The following LIN7A variants were observed in gnomAD, a reference collection of about 807,000 sequenced individuals.
LIN7A encodes the protein protein lin-7 homolog A.
A neutral mutation model predicts 29.8 loss-of-function variants in LIN7A; 25 were observed. The ratio of observed to expected loss-of-function variants is 0.84; its 90% confidence interval spans 0.61 to 1.17. The LOEUF (loss-of-function observed/expected upper bound fraction) is 1.17, where lower values mean the gene tolerates loss of function less well. Ranked by LOEUF, LIN7A falls within the 50% of genes most tolerant of loss-of-function variation. LIN7A has a pLI of 0.00. For synonymous variants in LIN7A, 118 were observed against 107.5 expected (o/e 1.10, Z -0.60); for missense variants, 239 against 287.0 (o/e 0.83, Z 1.21).
At chr12:80,898,882 G>C (rs1457621689) in intron 1 of LIN7A, among the ~76,000 whole-genome samples, 1 of 152,142 alleles carries the variant, frequency 6.6e-6, no homozygotes, top group Non-Finnish European at 1.5e-5. Flanking sequence ...AAGAGCTTTT[G>C]CACACAGTCT....
At chr12:80,820,713 G>C (rs1042723823) in intron 4 of LIN7A, among the ~76,000 whole-genome samples, 1 of 151,764 alleles carries the variant, frequency 6.6e-6, no homozygotes, top group African/African-American at 2.4e-5. Context: ...GAACAAAGCT[G>C]CCTGGGAAAA....
intron 2 of LIN7A, among the ~76,000 whole-genome samples, chr12:80,855,184 GA>G (rs1565903120): frequency 6.6e-6 from 1 of 151,912 alleles, no homozygotes; most frequent in Non-Finnish European, 1.5e-5. Context: ...TCTCAAGAGG[GA>G]AAAAAGTGAA....
chr12:80,797,912 C>T (rs1341705815), intron 5 of LIN7A, among the ~76,000 whole-genome samples, 186 bp from the exon 6 acceptor site: 2 of 152,178 alleles, frequency 1.3e-5, no homozygotes, highest in Non-Finnish European at 2.9e-5. Flanking sequence ...AAGTAATTAT[C>T]AAATGAGGAT....
rs141327967 is a variant in LIN7A at position 80,834,858 on chromosome 12, C to T, written c.483+10872G>A. On this transcript the variant is annotated intron_variant, in intron 4 of 5. Transcript: ENST00000552864. ...AGACTTACACTTGGCTTGCATTTCA[C>T]TAGGTATACTCATGTAGCTGTGGCA... 5.1e-3 allele frequency among the ~76,000 whole-genome samples: 775 copies of T among 152,290 alleles called. 5 individuals are homozygous for T. Among genetic ancestry groups the T allele is most frequent in the African/African-American group, 0.018 (747 of 41,572 alleles).
chr12:80,826,298 C>A (rs1377896903), intron 4 of LIN7A, among the ~76,000 whole-genome samples: 1 of 152,194 alleles, frequency 6.6e-6, no homozygotes, highest in East Asian at 1.9e-4. Context: ...TTCTTTTCAA[C>A]CCTCTTCTCT....
chr12:80,864,024 T>A (rs903116723), intron 2 of LIN7A, among the ~76,000 whole-genome samples: 3 of 152,184 alleles, frequency 2.0e-5, no homozygotes, highest in African/African-American at 7.2e-5. Context: ...GAGTGAAATT[T>A]CATGTAATTT....
intron 4 of LIN7A, among the ~76,000 whole-genome samples, chr12:80,827,083 T>A (rs78418676): frequency 0.098 from 14,893 of 152,092 alleles, 788 homozygotes; most frequent in East Asian, 0.18. Context: ...ATATGCAAAA[T>A]GGCATTAATA....
intron 4 of LIN7A, among the ~76,000 whole-genome samples, chr12:80,825,828 T>C (rs1055028632): frequency 6.6e-6 from 1 of 152,194 alleles, no homozygotes; most frequent in African/African-American, 2.4e-5. Context: ...AATAGATTGC[T>C]GAAATTATTC....
intron 1 of LIN7A, among the ~76,000 whole-genome samples, chr12:80,901,273 T>G (rs933696277): frequency 3.9e-5 from 6 of 152,172 alleles, no homozygotes; most frequent in African/African-American, 1.4e-4. Flanking sequence ...CCTCAATTGA[T>G]TTTAGATGCA....
chr12:80,861,829 A>G (rs937655274), intron 2 of LIN7A, among the ~76,000 whole-genome samples: 7 of 152,232 alleles, frequency 4.6e-5, no homozygotes, highest in African/African-American at 1.7e-4. Context: ...CTTAAAGATG[A>G]CTAGTTCCTG....
chr12:80,848,668 T>A (rs1359414909), intron 2 of LIN7A, among the ~76,000 whole-genome samples: 1 of 151,772 alleles, frequency 6.6e-6, no homozygotes, highest in Non-Finnish European at 1.5e-5. Context: ...TTGAGGAAGA[T>A]GTTTGGAAAA....
intron 1 of LIN7A, among the ~76,000 whole-genome samples, chr12:80,899,841 T>C (rs1157162680): frequency 2.1e-5 from 3 of 142,688 alleles, no homozygotes; most frequent in African/African-American, 7.5e-5. Flanking sequence ...CGATCTCCAC[T>C]CACTGCAAGC....
At chr12:80,871,181 G>T (rs1278789314) in intron 2 of LIN7A, among the ~76,000 whole-genome samples, 1 of 152,178 alleles carries the variant, frequency 6.6e-6, no homozygotes, top group African/African-American at 2.4e-5. Flanking sequence ...AGAGGATAAA[G>T]AATGGGATGA....
intron 5 of LIN7A, among the ~76,000 whole-genome samples, chr12:80,807,062 A>ATTTTTTTTTTTTTTTTTTTT: frequency 3.1e-5 from 1 of 32,288 alleles, no homozygotes; most frequent in African/African-American, 1.6e-4. Context: ...ATGAAGATGG[A>ATTTTTTTTTTTTTTTTTTTT]GTTTTTTTTT....
intron 1 of LIN7A, among the ~76,000 whole-genome samples, chr12:80,914,086 A>G (rs2120823997): frequency 6.6e-6 from 1 of 152,188 alleles, no homozygotes; most frequent in African/African-American, 2.4e-5. Context: ...TTCACCTCAT[A>G]TTAGTCAATA....
At chr12:80,889,042 C>T (rs1171033436) in intron 2 of LIN7A, among the ~76,000 whole-genome samples, 2 of 152,044 alleles carry the variant, frequency 1.3e-5, no homozygotes, top group Non-Finnish European at 1.5e-5. Context: ...ACCAGAAGAT[C>T]AACATTTGGT....
chr12:80,905,696 G>A (rs1186861076), intron 1 of LIN7A, among the ~76,000 whole-genome samples: 1 of 152,056 alleles, frequency 6.6e-6, no homozygotes, highest in Non-Finnish European at 1.5e-5. Flanking sequence ...GGATGCTAAT[G>A]GCATCTTGGT....
At chr12:80,900,229 T>C (rs1457085951) in intron 1 of LIN7A, among the ~76,000 whole-genome samples, 1 of 152,202 alleles carries the variant, frequency 6.6e-6, no homozygotes, top group Non-Finnish European at 1.5e-5. Context: ...AATTTGTTGA[T>C]CTTTTGTCTG....
intron 2 of LIN7A, among the ~76,000 whole-genome samples, chr12:80,873,356 C>A (rs560867013): frequency 1.4e-4 from 21 of 151,818 alleles, no homozygotes; most frequent in Admixed American, 9.2e-4. Context: ...ATATCAAGAC[C>A]TTGTCTCCAT....
Sources: gnomAD v4.1 joint callset for allele counts (sites outside exome capture counted in the v4.1 genomes callset) on GRCh38, gnomAD v4.1.1 for gene constraint, MANE v1.5 for transcripts, NCBI Gene and HGNC (gene_info 2026-07-23, HGNC 2026-07-21) for gene names.